The following CSMD3 variants were observed in gnomAD, a reference collection of about 807,000 sequenced individuals.
CSMD3 encodes CUB and Sushi multiple domains 3.
A neutral mutation model predicts 435.2 loss-of-function variants in CSMD3; 177 were observed. The observed-to-expected ratio is 0.41, with a 90% confidence interval of 0.36 to 0.46. The LOEUF is 0.46. Ranked by LOEUF, CSMD3 falls within the 20% of genes least tolerant of loss-of-function variation. The pLI is 0.34. For missense variants in CSMD3, 4,265 were observed against 4,504.6 expected, an observed-to-expected ratio of 0.95 and a Z score of 1.52; for synonymous variants, 1,656 against 1,520.5, an observed-to-expected ratio of 1.09 and a Z score of -2.07.
intron 38 of CSMD3, among the ~76,000 whole-genome samples, chr8:112,357,105 T>C (rs1171223250): frequency 2.0e-5 from 3 of 152,158 alleles, no homozygotes; most frequent in Admixed American, 6.5e-5. Flanking sequence ...TAGAGACTTG[T>C]TGCATGGCTT....
At chr8:112,348,193 C>T (rs1825833532) in intron 40 of CSMD3, among the ~76,000 whole-genome samples, 2 of 152,212 alleles carry the variant, frequency 1.3e-5, no homozygotes, top group African/African-American at 4.8e-5. Context: ...TCTGCAATCT[C>T]AACACTCCTA....
chr8:112,302,099 T>C, intron 52 of CSMD3, 133 bp from the exon 53 acceptor site: 2 of 684,996 alleles, frequency 2.9e-6, no homozygotes, highest in South Asian at 1.7e-5. Context: ...TTGTAAAACA[T>C]GTTTGAATGA....
intron 13 of CSMD3, among the ~76,000 whole-genome samples, chr8:112,703,097 A>C (rs761560065): frequency 6.6e-6 from 1 of 152,206 alleles, no homozygotes; most frequent in Non-Finnish European, 1.5e-5. Context: ...TTTGTCTTTC[A>C]GAATATAAAA....
intron 1 of CSMD3, among the ~76,000 whole-genome samples, chr8:113,350,452 A>G (rs1344568785): frequency 6.6e-6 from 1 of 152,152 alleles, no homozygotes; most frequent in Non-Finnish European, 1.5e-5. Flanking sequence ...TTAAGGAGCA[A>G]ACAAGTACTA....
At chr8:113,284,377 A>T (rs550478866) in intron 2 of CSMD3, among the ~76,000 whole-genome samples, 1 of 152,190 alleles carries the variant, frequency 6.6e-6, no homozygotes, top group Admixed American at 6.5e-5. Context: ...ACAATTTCTT[A>T]TTCACACTAA....
chr8:113,233,717 TAAA>T (rs1005075504), intron 3 of CSMD3, among the ~76,000 whole-genome samples: 1 of 151,748 alleles, frequency 6.6e-6, no homozygotes, highest in Admixed American at 6.6e-5. Context: ...AAGGAAAAGA[TAAA>T]AAAATGCAAC....
chr8:112,598,264 C>G (rs1563750864), intron 22 of CSMD3, among the ~76,000 whole-genome samples: 1 of 141,490 alleles, frequency 7.1e-6, no homozygotes, highest in Non-Finnish European at 1.5e-5. Context: ...AACTCCCATT[C>G]ACAATTGCTT....
chr8:112,295,543 T>C (rs1410118473), intron 54 of CSMD3, among the ~76,000 whole-genome samples: 1 of 151,908 alleles, frequency 6.6e-6, no homozygotes, highest in Non-Finnish European at 1.5e-5. Flanking sequence ...ACAAATGTGT[T>C]GATAATGTGT....
intron 10 of CSMD3, among the ~76,000 whole-genome samples, chr8:112,899,894 C>T (rs757526025): frequency 5.3e-5 from 8 of 150,048 alleles, no homozygotes; most frequent in Non-Finnish European, 7.4e-5. Flanking sequence ...TTAGTTTTGT[C>T]GCTTAACAGG....
intron 8 of CSMD3, among the ~76,000 whole-genome samples, chr8:112,951,538 C>A (rs2083810620): frequency 6.6e-6 from 1 of 151,650 alleles, no homozygotes; most frequent in Admixed American, 6.6e-5. Context: ...TGCTTTGGAT[C>A]TTTTTCTGAA....
chr8:113,194,491 G>T (rs2092628488), intron 3 of CSMD3, among the ~76,000 whole-genome samples: 1 of 151,282 alleles, frequency 6.6e-6, no homozygotes, highest in African/African-American at 2.4e-5. Flanking sequence ...TTGTACATTT[G>T]TCAAAAGCTG....
At chr8:113,092,722 A>G (rs2090044877) in intron 5 of CSMD3, among the ~76,000 whole-genome samples, 1 of 152,058 alleles carries the variant, frequency 6.6e-6, no homozygotes, top group Admixed American at 6.6e-5. Context: ...TTGGGAATGA[A>G]AGTAACCTAC....
chr8:112,831,558 T>G (rs1306569359), intron 11 of CSMD3, among the ~76,000 whole-genome samples: 2 of 5,256 alleles, frequency 3.8e-4, no homozygotes, highest in Admixed American at 2.0e-3. Context: ...TGTAAAAGTG[T>G]TTTTTTTTTT....
chr8:112,565,633 G>A (rs1482633485), intron 24 of CSMD3, among the ~76,000 whole-genome samples: 1 of 152,012 alleles, frequency 6.6e-6, no homozygotes, highest in Non-Finnish European at 1.5e-5. Context: ...GGGATTTTTT[G>A]TAAATTAAAT....
intron 40 of CSMD3, among the ~76,000 whole-genome samples, chr8:112,350,525 T>TA (rs1188859819): frequency 4.6e-5 from 7 of 152,018 alleles, no homozygotes; most frequent in Non-Finnish European, 7.4e-5. Flanking sequence ...CTCCAAATAG[T>TA]AATTGAATGT....
Position 112,437,111 on chromosome 8 carries a change from A to G in CSMD3, c.5396-28079T>C, listed in dbSNP as rs1814443182. 2.6e-5 allele frequency among the ~76,000 whole-genome samples: 4 copies of G among 152,034 alleles called. No individual in the cohort carries two copies. In the South Asian group the frequency reaches 8.3e-4, roughly 31 times the overall value. On this transcript the variant is annotated intron_variant, in intron 32 of 70. Transcript: ENST00000297405. ...GATTTATATAAGATTTAGTGCCTAA[A>G]CCAAAAGGGATATGAAGAGATATAT...
chr8:113,405,894 T>C (rs551050279), intron 1 of CSMD3, among the ~76,000 whole-genome samples: 1 of 151,934 alleles, frequency 6.6e-6, no homozygotes, highest in East Asian at 1.9e-4. Flanking sequence ...TAAAAGGAAC[T>C]TGAAGTTCAG....
At chr8:112,314,751 G>T in intron 47 of CSMD3, 134 bp from the exon 48 acceptor site, 1 of 702,692 alleles carries the variant, frequency 1.4e-6, no homozygotes, top group South Asian at 1.6e-5. Flanking sequence ...TGTTAGAAGA[G>T]ACAAGTTGTA....
At chr8:112,529,586 T>A (rs2131063772) in intron 27 of CSMD3, among the ~76,000 whole-genome samples, 1 of 152,104 alleles carries the variant, frequency 6.6e-6, no homozygotes, top group Admixed American at 6.5e-5. Context: ...AGACTCTGCC[T>A]CAAAAAAACA....
Sources: gnomAD v4.1 joint callset for allele counts (sites outside exome capture counted in the v4.1 genomes callset) on GRCh38, gnomAD v4.1.1 for gene constraint, MANE v1.5 for transcripts, NCBI Gene and HGNC (gene_info 2026-07-23, HGNC 2026-07-21) for gene names.